Variants in SIPA1L1 observed in about 807,000 individuals in gnomAD.
SIPA1L1 encodes signal-induced proliferation-associated 1-like protein 1.
SIPA1L1 carries 26 observed loss-of-function variants against 162.7 expected under a neutral mutation model. That is an observed-to-expected ratio of 0.16 (90% CI 0.12 to 0.22). The LOEUF is 0.22. SIPA1L1 is among the 10% of genes least tolerant of loss of function. The pLI, the probability that SIPA1L1 is intolerant of heterozygous loss-of-function variation, is 1.00. For missense variants in SIPA1L1, 1,874 were observed against 2,241.0 expected (o/e 0.84, Z 3.31); for synonymous variants, 829 against 837.4 (o/e 0.99, Z 0.17).
intron 2 of SIPA1L1, among the ~76,000 whole-genome samples, chr14:71,501,831 C>G (rs1003721647): frequency 2.0e-5 from 3 of 151,914 alleles, no homozygotes; most frequent in Non-Finnish European, 4.4e-5. Flanking sequence ...TGAGACCAGC[C>G]TGGGTCTCAA....
At chr14:71,442,090 T>C (rs1468407002) in intron 2 of SIPA1L1, among the ~76,000 whole-genome samples, 1 of 149,220 alleles carries the variant, frequency 6.7e-6, no homozygotes, top group African/African-American at 2.5e-5. Context: ...GGGGAATGGC[T>C]TGAACCTGGG....
rs565023439 is a variant in SIPA1L1 at position 71,650,048 on chromosome 14, A to G, written c.1819-287A>G. On this transcript the variant is annotated intron_variant, in intron 7 of 23. Transcript: ENST00000381232. ...TAATAACCTCATTTTGTACTTTGTA[A>G]TTGATTAACAGAAATTTCCTATAGT... Among the ~76,000 whole-genome samples, 8 of 152,316 alleles carry G rather than the reference A, an allele frequency of 5.3e-5. No homozygotes were observed. In the East Asian group the frequency reaches 1.5e-3, roughly 29 times the overall value.
At chr14:71,542,736 CT>C (rs1438045587) in intron 4 of SIPA1L1, among the ~76,000 whole-genome samples, 2 of 141,884 alleles carry the variant, frequency 1.4e-5, no homozygotes, top group African/African-American at 5.2e-5. Flanking sequence ...CCTCCTCCTT[CT>C]TCTCTCTCTC....
At chr14:71,465,503 A>C (rs576131235) in intron 2 of SIPA1L1, among the ~76,000 whole-genome samples, 7 of 152,212 alleles carry the variant, frequency 4.6e-5, no homozygotes, top group African/African-American at 1.7e-4. Context: ...TGCTGCTCAC[A>C]GTGGTGAATC....
chr14:71,627,672 C>G (rs1376695832), intron 7 of SIPA1L1, among the ~76,000 whole-genome samples: 1 of 152,142 alleles, frequency 6.6e-6, no homozygotes, highest in Admixed American at 6.5e-5. Context: ...GTTCTAATCA[C>G]TTTACTGGCA....
intron 7 of SIPA1L1, among the ~76,000 whole-genome samples, chr14:71,633,362 C>T (rs1010088065): frequency 9.9e-5 from 15 of 151,924 alleles, no homozygotes; most frequent in Admixed American, 2.6e-4. Context: ...TTAGTAGAGA[C>T]GGGGTTTCAC....
chr14:71,344,385 C>T (rs533333856), intron 2 of SIPA1L1, among the ~76,000 whole-genome samples: 1 of 152,244 alleles, frequency 6.6e-6, no homozygotes, highest in South Asian at 2.1e-4. Context: ...TATATAGCAC[C>T]CTTCCCACAG....
intron 13 of SIPA1L1, among the ~76,000 whole-genome samples, chr14:71,698,104 C>T (rs749708548): frequency 6.6e-6 from 1 of 152,142 alleles, no homozygotes; most frequent in Admixed American, 6.6e-5. Flanking sequence ...TACAAGTAGT[C>T]GAGTGATTTG....
chr14:71,691,087 T>C (rs547354401), intron 13 of SIPA1L1, among the ~76,000 whole-genome samples: 1 of 152,318 alleles, frequency 6.6e-6, no homozygotes, highest in African/African-American at 2.4e-5. Flanking sequence ...TCTCCACACA[T>C]GTTCCTGCCA....
intron 4 of SIPA1L1, among the ~76,000 whole-genome samples, chr14:71,561,884 GC>G (rs1278116554): frequency 2.6e-5 from 4 of 152,180 alleles, no homozygotes; most frequent in Non-Finnish European, 5.9e-5. Flanking sequence ...ACCATGCCCG[GC>G]CCAGGCTAAA....
chr14:71,590,425 G>GTATTTAAAAT (rs994203597), intron 5 of SIPA1L1, among the ~76,000 whole-genome samples: 1 of 151,998 alleles, frequency 6.6e-6, no homozygotes, highest in African/African-American at 2.4e-5. Context: ...GTTTTGAATG[G>GTATTTAAAAT]TATTTAAAAT....
rs761140734 is a variant in SIPA1L1 at position 71,685,536 on chromosome 14, G to A, written c.3279G>A (p.Leu1093=). The A allele has an allele frequency of 6.2e-7, 1 of 1,614,194 alleles. No individual in the cohort carries two copies. Among genetic ancestry groups the A allele is most frequent in the South Asian group, 1.1e-5 (1 of 91,082 alleles). Residue 1093 remains leucine, a synonymous_variant, in exon 13 of 24, where the codon CTG becomes CTA. Transcript: ENST00000381232. ...SQVQSPMTSR[L]NAGKGDGKMP... ...TGCAGAGTCCCATGACCTCGCGGCT[G>A]AATGCTGGAAAAGGAGATGGGAAGA...
intron 2 of SIPA1L1, among the ~76,000 whole-genome samples, chr14:71,510,778 A>C (rs2051082529): frequency 6.6e-6 from 1 of 152,192 alleles, no homozygotes; most frequent in Non-Finnish European, 1.5e-5. Flanking sequence ...TCGATGAGAC[A>C]GTCAAAGTAA....
At chr14:71,584,408 T>C (rs914076735) in intron 4 of SIPA1L1, among the ~76,000 whole-genome samples, 1 of 152,204 alleles carries the variant, frequency 6.6e-6, no homozygotes, top group Non-Finnish European at 1.5e-5. Context: ...AGCTCTGTTA[T>C]TAAAGAGCTT....
intron 10 of SIPA1L1, among the ~76,000 whole-genome samples, chr14:71,664,333 C>T (rs1412864220): frequency 6.6e-6 from 1 of 152,068 alleles, no homozygotes; most frequent in Admixed American, 6.6e-5. Context: ...GATTTATACT[C>T]ATTTTATTTA....
At chr14:71,436,734 A>G (rs2044408090) in intron 2 of SIPA1L1, among the ~76,000 whole-genome samples, 1 of 148,040 alleles carries the variant, frequency 6.8e-6, no homozygotes, top group Non-Finnish European at 1.5e-5. Flanking sequence ...TTTATTTTCC[A>G]TATAAACTAC....
intron 4 of SIPA1L1, among the ~76,000 whole-genome samples, chr14:71,553,440 A>G (rs921760097): frequency 2.0e-5 from 3 of 152,204 alleles, no homozygotes; most frequent in African/African-American, 7.2e-5. Context: ...ACAGAAGAGG[A>G]AAAAACATTT....
intron 4 of SIPA1L1, among the ~76,000 whole-genome samples, chr14:71,542,987 C>A (rs1307486309): frequency 6.6e-6 from 1 of 151,898 alleles, no homozygotes; most frequent in Admixed American, 6.6e-5. Context: ...CTTTACCAGT[C>A]CCTCTCTTCT....
intron 12 of SIPA1L1, among the ~76,000 whole-genome samples, chr14:71,683,454 T>G (rs1566644114): frequency 6.6e-6 from 1 of 152,220 alleles, no homozygotes; most frequent in Non-Finnish European, 1.5e-5. Flanking sequence ...ATTATAAATT[T>G]TAGTCAATAT....
Sources: allele counts gnomAD v4.1 joint callset (sites outside exome capture counted in the v4.1 genomes callset), GRCh38; gene constraint gnomAD v4.1.1; transcripts MANE v1.5; gene names NCBI Gene and HGNC (gene_info 2026-07-23, HGNC 2026-07-21).